Variants in CLCN7 observed in about 807,000 individuals in gnomAD.
CLCN7 encodes H(+)/Cl(-) exchange transporter 7.
In CLCN7, 60 loss-of-function variants were observed where a neutral mutation model predicts 102.1. That is an observed-to-expected ratio of 0.59 (90% CI 0.48 to 0.73). The LOEUF (loss-of-function observed/expected upper bound fraction) is 0.73. Ranked by LOEUF, CLCN7 falls within the 30% of genes least tolerant of loss-of-function variation. The probability of loss-of-function intolerance (pLI) is 0.00; values close to 1 mark genes in which losing one functional copy is unlikely to be tolerated. For synonymous variants in CLCN7, 560 were observed against 490.5 expected (o/e 1.14, Z -1.87); for missense variants, 962 against 1,125.7 (o/e 0.85, Z 2.08).
intron 16 of CLCN7, among the ~76,000 whole-genome samples, chr16:1,451,069 T>A (rs1414112847): frequency 6.6e-6 from 1 of 152,180 alleles, no homozygotes; most frequent in Non-Finnish European, 1.5e-5. Flanking sequence ...CTGTACTGCG[T>A]GCAGGGCGGG....
chr16:1,451,129 G>A (rs1439966477), intron 16 of CLCN7, among the ~76,000 whole-genome samples: 2 of 152,256 alleles, frequency 1.3e-5, no homozygotes, highest in African/African-American at 4.8e-5. Flanking sequence ...GCACTCCAAG[G>A]TCGCGGTCTG....
chr16:1,447,585 C>T lies in CLCN7; in HGVS notation c.2074-17G>A. ...CACAAACACCTGCGGGCGGCAGAGC[C>T]CTGTGTCAGGCACCCAGGCAGCACC... is the stretch of plus-strand genomic sequence containing the variant. On this transcript the variant is annotated splice_polypyrimidine_tract_variant and intron_variant, in intron 22 of 24. Transcript: ENST00000382745. The T allele has an allele frequency of 6.4e-7, 1 of 1,553,214 alleles. No homozygotes were observed. Among genetic ancestry groups the T allele is most frequent in the African/African-American group, 1.4e-5 (1 of 73,288 alleles).
Position 1,446,439 on chromosome 16 carries a change from C to T in CLCN7, c.*192G>A. The T allele has an allele frequency of 1.4e-6, 1 of 705,478 alleles. No individual in the cohort carries two copies. Among genetic ancestry groups the T allele is most frequent in the South Asian group, 1.5e-5 (1 of 67,654 alleles). The allele number at this position is 705,478 out of a possible 1,614,324, so 43.7% of individuals were successfully genotyped here. On this transcript the variant is annotated 3_prime_UTR_variant, in exon 25 of 25. Transcript: ENST00000382745. ...CGCAAGGAGGCGCCAAGGGGGGAGA[C>T]CACTGCCCACAACAGGGTCAGTCCC...
In CLCN7 at chr16:1,457,816, A is replaced by G; in HGVS notation, c.676-60T>C. 6 of 1,550,050 alleles carry G rather than the reference A, an allele frequency of 3.9e-6. No homozygotes were observed. The highest frequency in any genetic ancestry group is 8.9e-7 in the Non-Finnish European group (1 of 1,123,282). On this transcript the variant is annotated intron_variant, in intron 7 of 24. Coordinates refer to ENST00000382745, the MANE Select transcript of CLCN7 (RefSeq NM_001287.6). This position sits in a 1 kb window ranked among gnomAD's most constrained non-coding sequence, Gnocchi z 5.4. ...AAGGCAGGCGCTGTCTTTGGACCTGAGCCGTAAAACAGCACACACAGCCCC... is the reference window on the plus strand; with the variant it reads ...AAGGCAGGCGCTGTCTTTGGACCTGGGCCGTAAAACAGCACACACAGCCCC...
chr16:1,461,438 C>G lies in CLCN7; in HGVS notation c.318G>C (p.Leu106=), dbSNP rs1224546035. ...TGATCCGCCGCTCCTCCTCCAGGAA[C>G]AGCTGGTTCTCACTGTTGTCATAGT... is the stretch of plus-strand genomic sequence containing the variant. ...SLDYDNSENQ[L]FLEEERRINH... The change falls in exon 4 of 25, where the codon CTG becomes CTC. Residue 106 remains leucine (L), a synonymous_variant. Transcript: ENST00000382745. The G allele has an allele frequency of 1.3e-6, 2 of 1,558,452 alleles. No homozygotes were observed. The highest frequency in any genetic ancestry group is 4.8e-5 in the East Asian group (2 of 42,078).
intron 2 of CLCN7, among the ~76,000 whole-genome samples, chr16:1,462,225 A>C (rs1469299701): frequency 6.6e-6 from 1 of 151,756 alleles, no homozygotes; most frequent in Non-Finnish European, 1.5e-5. Flanking sequence ...AGTTAGTTTA[A>C]CATCCAAAAA....
rs199866480 is a variant in CLCN7, at chr16:1,460,968, C to A, written c.352-20G>T. On this transcript the variant is annotated intron_variant, in intron 4 of 24. Transcript: ENST00000382745. ...GAAGGCCTGCAGGGCGCGGTCAGGG[C>A]GAGGGTCAGGCAGGGCCCTGGCGCA... 1 of 1,611,096 alleles carries A rather than the reference C, an allele frequency of 6.2e-7. No homozygotes were observed. Among genetic ancestry groups the A allele is most frequent in the South Asian group, 1.1e-5 (1 of 91,048 alleles).
chr16:1,449,476 G>A, intron 17 of CLCN7, 149 bp from the exon 18 acceptor site: 4 of 709,450 alleles, frequency 5.6e-6, no homozygotes, highest in Non-Finnish European at 9.9e-6. Context: ...GAACAACCTA[G>A]CACAGTACAC....
Position 1,460,804 on chromosome 16 carries a change from TG to T in CLCN7, c.484+11del. 1.2e-6 allele frequency: 2 copies of T among 1,613,876 alleles called. No homozygotes were observed. The highest frequency in any genetic ancestry group is 1.7e-6 in the Non-Finnish European group (2 of 1,179,930). On this transcript the variant is annotated intron_variant, in intron 5 of 24. Coordinates refer to ENST00000382745, the MANE Select transcript of CLCN7 (RefSeq NM_001287.6). ...CCCTCCCAAGCTGCAGCGGCCGCAC[TG>T]GGAAGGATACTGCCCTTGATGACCC...
At chr16:1,449,976 G>A (rs188219531) in intron 17 of CLCN7, 9 of 174,306 alleles carry the variant, frequency 5.2e-5, no homozygotes, top group African/African-American at 2.2e-4. Flanking sequence ...CATGGCCGGG[G>A]GCTTCCTGCC....
chr16:1,461,140 AGGT>A lies in CLCN7; in HGVS notation c.352-195_352-193del, dbSNP rs149035028. Reference sequence around the variant, plus strand: ...CCCGGGGCCCGAGGGTGACTCGGGGAGGTGGGTGAATTCCCAACAACTTCACAG... The same window carrying A: ...CCCGGGGCCCGAGGGTGACTCGGGGAGGGTGAATTCCCAACAACTTCACAG... On this transcript the variant is annotated intron_variant, in intron 4 of 24. Transcript: ENST00000382745. Among the ~76,000 whole-genome samples, 257 of 152,296 alleles carry A rather than the reference AGGT, an allele frequency of 1.7e-3. 1 individual carries two copies. Among genetic ancestry groups the A allele is most frequent in the African/African-American group, 5.8e-3 (242 of 41,562 alleles).
intron 1 of CLCN7, among the ~76,000 whole-genome samples, chr16:1,470,452 T>C (rs1461375654): frequency 1.3e-5 from 2 of 152,182 alleles, no homozygotes; most frequent in Non-Finnish European, 2.9e-5. Flanking sequence ...GCACAGAGGA[T>C]ACAGCAGCTG....
intron 2 of CLCN7, 77 bp downstream of exon 2, chr16:1,465,190 G>C (rs911273748): frequency 1.9e-5 from 27 of 1,419,962 alleles, no homozygotes; most frequent in Admixed American, 8.8e-5. Context: ...CCTGCCGCTC[G>C]GCCCGTGCCC....
At chr16:1,463,808 T>G (rs1438740570) in intron 2 of CLCN7, among the ~76,000 whole-genome samples, 1 of 150,526 alleles carries the variant, frequency 6.6e-6, no homozygotes, top group Non-Finnish European at 1.5e-5. Flanking sequence ...AGGATCTCAC[T>G]CTGTCACCCA....
Position 1,457,841 on chromosome 16 carries a change from C to G in CLCN7, c.676-85G>C. 3 of 1,367,842 alleles carry G rather than the reference C, an allele frequency of 2.2e-6. No homozygotes were observed. Among genetic ancestry groups the G allele is most frequent in the South Asian group, 1.2e-5 (1 of 85,712 alleles). 84.7% of individuals were successfully genotyped at this position (1,367,842 alleles called of 1,614,324 possible). On this transcript the variant is annotated intron_variant, in intron 7 of 24. Transcript: ENST00000382745. This position sits in a 1 kb window ranked among gnomAD's most constrained non-coding sequence, Gnocchi z 5.4. ...AGCCGTAAAACAGCACACACAGCCC[C>G]GATCAGGCAGAGTGGCTGGGACACG... is the stretch of plus-strand genomic sequence containing the variant.
intron 17 of CLCN7, chr16:1,449,702 C>CCACAGA: frequency 2.7e-6 from 1 of 364,176 alleles, no homozygotes; most frequent in Non-Finnish European, 5.1e-6. Context: ...GGCATGGAGG[C>CCACAGA]TGCAGAAAGC....
At chr16:1,449,702 C>T (rs2038713220) in intron 17 of CLCN7, 3 of 364,056 alleles carry the variant, frequency 8.2e-6, no homozygotes, top group African/African-American at 6.2e-5. Flanking sequence ...GGCATGGAGG[C>T]TGCAGAAAGC....
intron 6 of CLCN7, among the ~76,000 whole-genome samples, chr16:1,460,000 T>G (rs1246015127): frequency 7.0e-6 from 1 of 142,096 alleles, no homozygotes. Flanking sequence ...CGTCGGGGCC[T>G]CAGGGAAGGG....
chr16:1,452,587 C>T, intron 15 of CLCN7, 168 bp downstream of exon 15: 1 of 709,348 alleles, frequency 1.4e-6, no homozygotes, highest in Non-Finnish European at 2.3e-6. Context: ...ACCTGGCCTC[C>T]TCTGAGATCT....
Sources: gnomAD v4.1 joint callset for allele counts (sites outside exome capture counted in the v4.1 genomes callset) on GRCh38, gnomAD v4.1.1 for gene constraint, Gnocchi (gnomAD v3.1) non-coding constraint, MANE v1.5 for transcripts, NCBI Gene and HGNC (gene_info 2026-07-23, HGNC 2026-07-21) for gene names.